Variants in PTPRO observed in about 807,000 individuals in gnomAD.
PTPRO encodes protein tyrosine phosphatase receptor type O.
Under a neutral mutation model 145.2 loss-of-function variants are expected in PTPRO, and 62 were observed. The observed-to-expected ratio is 0.43, with a 90% confidence interval of 0.35 to 0.53. The LOEUF (loss-of-function observed/expected upper bound fraction) is 0.53. Among genes scored for constraint, PTPRO ranks in the 20% least tolerant of loss-of-function variants. The pLI, the probability that PTPRO is intolerant of heterozygous loss-of-function variation, is 0.01. For synonymous variants in PTPRO, 565 were observed against 514.7 expected, an observed-to-expected ratio of 1.10 and a Z score of -1.32; for missense variants, 1,345 against 1,482.7, an observed-to-expected ratio of 0.91 and a Z score of 1.53.
intron 1 of PTPRO, among the ~76,000 whole-genome samples, chr12:15,403,314 G>A (rs999358660): frequency 2.0e-5 from 3 of 152,164 alleles, no homozygotes; most frequent in Non-Finnish European, 4.4e-5. Flanking sequence ...CAGGTGCGAT[G>A]GCTCACACCT....
At chr12:15,552,619 A>C (rs894678688) in intron 15 of PTPRO, among the ~76,000 whole-genome samples, 1 of 152,178 alleles carries the variant, frequency 6.6e-6, no homozygotes, top group African/African-American at 2.4e-5. Flanking sequence ...GACATGTAGC[A>C]TAAAGGGGAT....
At chr12:15,442,032 C>T (rs1173186569) in intron 1 of PTPRO, among the ~76,000 whole-genome samples, 1 of 151,936 alleles carries the variant, frequency 6.6e-6, no homozygotes, top group Non-Finnish European at 1.5e-5. Context: ...CAAAACCTGG[C>T]AAAGACACAA....
intron 1 of PTPRO, among the ~76,000 whole-genome samples, chr12:15,449,828 T>G (rs1280567486): frequency 6.6e-6 from 1 of 152,204 alleles, no homozygotes; most frequent in Non-Finnish European, 1.5e-5. Flanking sequence ...GTACTATCTT[T>G]GCTACTCTTC....
At chr12:15,563,700 G>A (rs1397778904) in intron 17 of PTPRO, among the ~76,000 whole-genome samples, 1 of 152,216 alleles carries the variant, frequency 6.6e-6, no homozygotes, top group East Asian at 1.9e-4. Context: ...AAGTTTCTAC[G>A]CAGCTGCCGA....
intron 1 of PTPRO, among the ~76,000 whole-genome samples, chr12:15,472,440 G>T (rs1323003630): frequency 3.9e-5 from 6 of 152,252 alleles, no homozygotes; most frequent in South Asian, 2.1e-4. Flanking sequence ...GCGTGTCTTG[G>T]TCTTGGGTCA....
At chr12:15,355,477 C>T (rs1937956404) in intron 1 of PTPRO, among the ~76,000 whole-genome samples, 1 of 152,176 alleles carries the variant, frequency 6.6e-6, no homozygotes, top group Non-Finnish European at 1.5e-5. Flanking sequence ...GAAAACCCTT[C>T]CAGCATGTAA....
chr12:15,450,399 A>G (rs1941014495), intron 1 of PTPRO, among the ~76,000 whole-genome samples: 1 of 152,190 alleles, frequency 6.6e-6, no homozygotes, highest in Non-Finnish European at 1.5e-5. Flanking sequence ...GGCCAAAATG[A>G]TTTGACTACT....
At chr12:15,542,265 A>G (rs191297599) in intron 12 of PTPRO, among the ~76,000 whole-genome samples, 1 of 152,346 alleles carries the variant, frequency 6.6e-6, no homozygotes, top group East Asian at 1.9e-4. Context: ...TTTGGCTTCC[A>G]TGTGCCACAC....
chr12:15,500,856 A>C (rs1942206971), intron 4 of PTPRO, among the ~76,000 whole-genome samples: 1 of 152,158 alleles, frequency 6.6e-6, no homozygotes. Context: ...CAGGAGGCGG[A>C]GGTTGCAGTG....
intron 1 of PTPRO, among the ~76,000 whole-genome samples, chr12:15,362,901 T>C (rs1938253402): frequency 6.6e-6 from 1 of 152,242 alleles, no homozygotes; most frequent in African/African-American, 2.4e-5. Context: ...CACAACTTTC[T>C]AATTTCAAAT....
In PTPRO at chr12:15,589,461, C is replaced by A. The variant is rs370164792; in HGVS notation, c.3417C>A (p.Gly1139=). ...KGPMIIHCSA[G]VGRTGTFIAL... ...TCGGAACATTCTTTTGCAGTGCTGGCGTGGGACGGACAGGAACATTCATTG... is the reference window on the plus strand; with the variant it reads ...TCGGAACATTCTTTTGCAGTGCTGGAGTGGGACGGACAGGAACATTCATTG... Residue 1139 remains glycine, a synonymous_variant, in exon 25 of 27, where the codon GGC becomes GGA. Transcript: ENST00000281171. 1.2e-6 allele frequency: 2 copies of A among 1,613,908 alleles called. No homozygotes were observed. The highest frequency in any genetic ancestry group is 1.7e-5 in the Admixed American group (1 of 59,992).
chr12:15,338,476 C>T (rs1405743025), intron 1 of PTPRO, among the ~76,000 whole-genome samples: 1 of 152,106 alleles, frequency 6.6e-6, no homozygotes, highest in Non-Finnish European at 1.5e-5. Context: ...TAGCTGCAAA[C>T]TCAAATTTAT....
intron 12 of PTPRO, among the ~76,000 whole-genome samples, chr12:15,538,228 C>A (rs1208163918): frequency 1.8e-5 from 2 of 109,262 alleles, no homozygotes; most frequent in Non-Finnish European, 3.9e-5. Flanking sequence ...TACCAAACCA[C>A]TTTAGTGCTT....
intron 7 of PTPRO, among the ~76,000 whole-genome samples, chr12:15,513,157 AAAAG>A (rs1162807747): frequency 0.17 from 5,008 of 30,008 alleles, 284 homozygotes; most frequent in East Asian, 0.2. Flanking sequence ...GAAAGAAAGA[AAAAG>A]AAAGAAAGAA....
intron 15 of PTPRO, among the ~76,000 whole-genome samples, chr12:15,553,674 A>C (rs895698198): frequency 6.6e-6 from 1 of 152,194 alleles, no homozygotes; most frequent in African/African-American, 2.4e-5. Flanking sequence ...TCTGGAGCAG[A>C]AGATTAACAG....
At chr12:15,366,163 T>G (rs867273082) in intron 1 of PTPRO, among the ~76,000 whole-genome samples, 1 of 152,222 alleles carries the variant, frequency 6.6e-6, no homozygotes, top group Non-Finnish European at 1.5e-5. Context: ...CATGTTTTTC[T>G]GTTTTGTTCC....
Position 15,583,500 on chromosome 12 carries a change from A to C in PTPRO, c.3255+1699A>C, listed in dbSNP as rs570222232. ...ATCTCCACACACACACACACACACA[A>C]AAAAAATCAACAAGAAAAATAGTAT... On this transcript the variant is annotated intron_variant, in intron 23 of 26. Coordinates refer to ENST00000281171, the MANE Select transcript of PTPRO (RefSeq NM_030667.3). Among the ~76,000 whole-genome samples, 311 of 141,702 alleles carry C rather than the reference A, an allele frequency of 2.2e-3. 2 individuals carry two copies. Among genetic ancestry groups the C allele is most frequent in the African/African-American group, 7.6e-3 (300 of 39,468 alleles). The allele number at this position is 141,702 out of a possible 152,430, so 93.0% of individuals were successfully genotyped here.
chr12:15,378,362 T>G (rs1207082145), intron 1 of PTPRO, among the ~76,000 whole-genome samples: 4 of 151,978 alleles, frequency 2.6e-5, no homozygotes. Context: ...TTATAGTATA[T>G]ATTCTTAAAA....
chr12:15,477,250 A>G (rs1941674744), intron 1 of PTPRO, among the ~76,000 whole-genome samples: 2 of 122,646 alleles, frequency 1.6e-5, no homozygotes, highest in East Asian at 5.5e-4. Flanking sequence ...CTATCGCAAG[A>G]ACAAAAAACC....
Sources: gnomAD v4.1 joint callset for allele counts (sites outside exome capture counted in the v4.1 genomes callset) on GRCh38, gnomAD v4.1.1 for gene constraint, MANE v1.5 for transcripts, NCBI Gene and HGNC (gene_info 2026-07-23, HGNC 2026-07-21) for gene names.